The following RNF150 variants were observed in gnomAD, a reference collection of about 807,000 sequenced individuals.
RNF150 encodes the protein ring finger protein 150.
A neutral mutation model predicts 39.3 loss-of-function variants in RNF150; 24 were observed. The ratio of observed to expected loss-of-function variants is 0.61; its 90% confidence interval spans 0.44 to 0.86. The LOEUF (loss-of-function observed/expected upper bound fraction) is 0.86. Among genes scored for constraint, RNF150 ranks in the 40% least tolerant of loss-of-function variants. The probability of loss-of-function intolerance (pLI) is 0.00; values close to 1 mark genes in which losing one functional copy is unlikely to be tolerated. For synonymous variants in RNF150, 255 were observed against 227.3 expected (o/e 1.12, Z -1.10); for missense variants, 502 against 587.8 (o/e 0.85, Z 1.51).
At chr4:140,947,534 T>G in intron 4 of RNF150, 120 bp downstream of exon 4, 1 of 721,738 alleles carries the variant, frequency 1.4e-6, no homozygotes, top group Non-Finnish European at 2.5e-6. Flanking sequence ...AATAGAAACA[T>G]GGAAACACTG....
At chr4:141,064,850 A>G (rs2110929158) in intron 1 of RNF150, among the ~76,000 whole-genome samples, 1 of 152,198 alleles carries the variant, frequency 6.6e-6, no homozygotes, top group East Asian at 1.9e-4. Context: ...CACACTGAAC[A>G]GCCTGACAAT....
intron 2 of RNF150, among the ~76,000 whole-genome samples, chr4:140,959,109 A>C (rs1306780454): frequency 6.6e-6 from 1 of 151,808 alleles, no homozygotes; most frequent in African/African-American, 2.4e-5. Context: ...CTGGCTCCTA[A>C]CTCCACATGG....
intron 1 of RNF150, among the ~76,000 whole-genome samples, chr4:141,107,251 T>C (rs1233146644): frequency 6.6e-6 from 1 of 152,268 alleles, no homozygotes. Context: ...TGCTACCTAT[T>C]GCTTTGCTTT....
At chr4:140,945,682 AAACT>A (rs1732278538) in intron 4 of RNF150, among the ~76,000 whole-genome samples, 1 of 149,822 alleles carries the variant, frequency 6.7e-6, no homozygotes, top group Non-Finnish European at 1.5e-5. Context: ...TTAAGTAAAT[AAACT>A]ATTTTATACT....
chr4:140,880,538 C>T (rs1729333056), intron 6 of RNF150, among the ~76,000 whole-genome samples: 1 of 150,552 alleles, frequency 6.6e-6, no homozygotes, highest in African/African-American at 2.4e-5. Flanking sequence ...GTGTCCCCTC[C>T]TCTCCAGTCT....
intron 1 of RNF150, among the ~76,000 whole-genome samples, chr4:141,014,162 G>A (rs959688612): frequency 6.6e-6 from 1 of 152,152 alleles, no homozygotes; most frequent in African/African-American, 2.4e-5. Flanking sequence ...GCAAGTAACA[G>A]GATTCCCACT....
chr4:141,052,945 G>A (rs1736832810), intron 1 of RNF150, among the ~76,000 whole-genome samples: 1 of 152,026 alleles, frequency 6.6e-6, no homozygotes. Context: ...TTTGAGTCTG[G>A]GATACCCTCT....
chr4:140,874,323 T>C (rs1729063016), intron 6 of RNF150, among the ~76,000 whole-genome samples: 1 of 152,164 alleles, frequency 6.6e-6, no homozygotes, highest in Admixed American at 6.5e-5. Flanking sequence ...AAACCTGCCC[T>C]GTTCAGTGCT....
chr4:140,981,542 T>A (rs1733859732), intron 1 of RNF150, among the ~76,000 whole-genome samples: 1 of 152,162 alleles, frequency 6.6e-6, no homozygotes, highest in Admixed American at 6.6e-5. Flanking sequence ...AATAATTTTT[T>A]AATACTTATT....
At chr4:141,174,099 A>G (rs1264733303) in intron 1 of RNF150, among the ~76,000 whole-genome samples, 1 of 152,152 alleles carries the variant, frequency 6.6e-6, no homozygotes, top group Non-Finnish European at 1.5e-5. Flanking sequence ...TTGATAGAGG[A>G]ATTGTTATTT....
intron 1 of RNF150, among the ~76,000 whole-genome samples, chr4:141,162,201 A>G (rs1267846712): frequency 1.3e-5 from 2 of 152,136 alleles, no homozygotes; most frequent in Middle Eastern, 3.2e-3. Context: ...TTGGGAGCCC[A>G]CTCCCTGCAT....
At position 140,923,957 on chromosome 4, in the gene RNF150, A is replaced by T. The variant is rs1233499359; in HGVS notation, c.987+2020T>A. 2.7e-5 allele frequency among the ~76,000 whole-genome samples: 4 copies of T among 147,646 alleles called. No homozygotes were observed. The East Asian group carries it at 7.8e-4, about 29-fold the overall frequency. On this transcript the variant is annotated intron_variant, in intron 5 of 6. Transcript: ENST00000515673. ...GGACACAGGAAGGGGAACATCACAC[A>T]CTGGGGCCTGTTGTGGGGTGGGGGA...
At chr4:140,926,138 C>G (rs769570862) in intron 4 of RNF150, 65 bp from the exon 5 acceptor site, 128 of 1,159,026 alleles carry the variant, frequency 1.1e-4, no homozygotes, top group Middle Eastern at 2.0e-4. Flanking sequence ...CCACCATGGC[C>G]CAGGGACTCG....
At chr4:141,009,163 A>T (rs112337193) in intron 1 of RNF150, among the ~76,000 whole-genome samples, 3 of 152,334 alleles carry the variant, frequency 2.0e-5, no homozygotes, top group African/African-American at 7.2e-5. Flanking sequence ...CTATGAAACA[A>T]ATTGATCTAA....
At chr4:141,021,235 C>T (rs373002488) in intron 1 of RNF150, among the ~76,000 whole-genome samples, 67 of 152,114 alleles carry the variant, frequency 4.4e-4, no homozygotes, top group African/African-American at 1.5e-3. Flanking sequence ...GCTAAGCCAA[C>T]GTAACAGGAT....
At chr4:141,198,447 G>T (rs960340554) in intron 1 of RNF150, among the ~76,000 whole-genome samples, 3 of 152,200 alleles carry the variant, frequency 2.0e-5, no homozygotes, top group Non-Finnish European at 4.4e-5. Context: ...CATGAAGTCA[G>T]ATTCATTCAC....
intron 4 of RNF150, among the ~76,000 whole-genome samples, chr4:140,934,734 C>T (rs1386792682): frequency 4.0e-5 from 6 of 151,704 alleles, no homozygotes; most frequent in Non-Finnish European, 7.4e-5. Context: ...ACAGGGATCC[C>T]TGAGCAGGAA....
intron 1 of RNF150, among the ~76,000 whole-genome samples, chr4:141,194,385 A>G (rs765412614): frequency 9.2e-5 from 14 of 152,356 alleles, no homozygotes; most frequent in Non-Finnish European, 1.5e-4. Context: ...TGAAAGAACT[A>G]TACGGTATTT....
At chr4:140,933,533 T>C (rs1731728974) in intron 4 of RNF150, among the ~76,000 whole-genome samples, 1 of 152,200 alleles carries the variant, frequency 6.6e-6, no homozygotes, top group Non-Finnish European at 1.5e-5. Flanking sequence ...GTGAAACACT[T>C]CTGGTCCCAG....
Sources: gnomAD v4.1 joint callset for allele counts (sites outside exome capture counted in the v4.1 genomes callset) on GRCh38, gnomAD v4.1.1 for gene constraint, MANE v1.5 for transcripts, NCBI Gene and HGNC (gene_info 2026-07-23, HGNC 2026-07-21) for gene names.